FOSL2: variants seen among roughly 807,000 people sequenced by gnomAD.
The protein encoded by FOSL2 is fos-related antigen 2.
In FOSL2, 3 loss-of-function variants were observed where a neutral mutation model predicts 27.7. The ratio of observed to expected loss-of-function variants is 0.11; its 90% confidence interval spans 0.05 to 0.28. The LOEUF is 0.28. Ranked by LOEUF, FOSL2 falls within the 10% of genes least tolerant of loss-of-function variation. The pLI is 1.00. For missense variants in FOSL2, 333 were observed against 445.1 expected, an observed-to-expected ratio of 0.75 and a Z score of 2.27; for synonymous variants, 179 against 190.1, an observed-to-expected ratio of 0.94 and a Z score of 0.48.
Position 28,412,426 on chromosome 2 carries a change from C to G in FOSL2, c.959C>G (p.Ser320Cys). 1 of 1,600,912 alleles carries G rather than the reference C, an allele frequency of 6.2e-7. No homozygotes were observed. Among genetic ancestry groups the G allele is most frequent in the Non-Finnish European group, 8.5e-7 (1 of 1,179,758 alleles). The change falls in exon 4 of 4, where the codon TCC becomes TGC. Residue 320 changes from serine to cysteine, a missense_variant. Physicochemically the swap from Ser to Cys is moderately radical, Grantham distance 112. Around this residue, in one of 4 missense-constraint regions of FOSL2, gnomAD observed 26 missense variants for 59.3 expected, o/e 0.44. Transcript: ENST00000264716. The surrounding 1 kb of genome is among the most constrained non-coding windows in gnomAD (Gnocchi z 7.1). ...GACCAATCATCAGACTCCTTGAACTCCCCCACTCTGCTGGCTCTGTAACCC... is the reference window on the plus strand; with the variant it reads ...GACCAATCATCAGACTCCTTGAACTGCCCCACTCTGCTGGCTCTGTAACCC... ...SGDQSSDSLN[S>C]PTLLAL
chr2:28,402,245 A>AC (rs1663988123), intron 1 of FOSL2, among the ~76,000 whole-genome samples: 1 of 152,076 alleles, frequency 6.6e-6, no homozygotes. Flanking sequence ...CTCCTCCCAA[A>AC]CCCCAGAATC....
chr2:28,394,999 G>A (rs913078091), intron 1 of FOSL2, among the ~76,000 whole-genome samples: 1 of 152,152 alleles, frequency 6.6e-6, no homozygotes, highest in African/African-American at 2.4e-5. Flanking sequence ...GATCTGATGG[G>A]GGGGTCCCTT....
In FOSL2 at chr2:28,404,259, G is replaced by T. The variant is rs1392805169; in HGVS notation, c.255G>T (p.Leu85=). 1.2e-6 allele frequency: 2 copies of T among 1,614,004 alleles called. No individual in the cohort carries two copies. The highest frequency in any genetic ancestry group is 1.3e-5 in the African/African-American group (1 of 74,900). The change falls in exon 2 of 4, where the codon CTG becomes CTT. Residue 85 remains leucine, a synonymous_variant. Coordinates refer to ENST00000264716, the MANE Select transcript of FOSL2 (RefSeq NM_005253.4). The surrounding 1 kb of genome is among the most constrained non-coding windows in gnomAD (Gnocchi z 4.7). ...PYPRSHPYSP[L]PGLASVPGHM... ...CTCGCTCGCACCCCTACAGCCCCCT[G>T]CCGGGCCTGGCCTCTGTCCCTGGAC...
At position 28,404,042 on chromosome 2, in the gene FOSL2, A is replaced by AT; in HGVS notation, c.103-63dup. ...GTTTTTGCCTCAGCTCTGTTCAATT[A>AT]TTATTAACTATCCTGTTCAGCTTAG... On this transcript the variant is annotated intron_variant, in intron 1 of 3. Transcript: ENST00000264716. This position sits in a 1 kb window ranked among gnomAD's most constrained non-coding sequence, Gnocchi z 4.7. 1.3e-6 allele frequency: 2 copies of AT among 1,581,018 alleles called. No individual in the cohort carries two copies. Among genetic ancestry groups the AT allele is most frequent in the South Asian group, 2.3e-5 (2 of 87,008 alleles).
Position 28,415,385 on chromosome 2 carries a change from T to A in FOSL2, c.*2937T>A, listed in dbSNP as rs1421676134. ...GCTGGAGCCGGCTCCAAGCAGATAA[T>A]TCACTGGGGAGGTTTTCAGAGTCAA... On this transcript the variant is annotated 3_prime_UTR_variant, in exon 4 of 4. Coordinates refer to ENST00000264716, the MANE Select transcript of FOSL2 (RefSeq NM_005253.4). 2 of 152,174 alleles carry A rather than the reference T, an allele frequency of 1.3e-5. No homozygotes were observed. The highest frequency in any genetic ancestry group is 3.9e-4 in the East Asian group (2 of 5,170). The allele number at this position is 152,174 out of a possible 1,614,324, so 9.4% of individuals were successfully genotyped here.
intron 1 of FOSL2, among the ~76,000 whole-genome samples, chr2:28,401,733 C>T (rs1461846338): frequency 1.3e-5 from 2 of 152,224 alleles, no homozygotes; most frequent in Non-Finnish European, 2.9e-5. Context: ...TTCCTGTTCA[C>T]TGCACTCTTC....
chr2:28,412,255 C>T lies in FOSL2; in HGVS notation c.788C>T (p.Thr263Ile). 1 of 1,613,970 alleles carries T rather than the reference C, an allele frequency of 6.2e-7. No homozygotes were observed. Among genetic ancestry groups the T allele is most frequent in the South Asian group, 1.1e-5 (1 of 91,090 alleles). ...GGFYGEEPLH[T>I]PIVVTSTPAV... ...TTCTACGGTGAGGAGCCCCTGCACA[C>T]CCCCATCGTGGTGACCTCCACACCT... The change falls in exon 4 of 4, where the codon ACC (threonine) becomes ATC (isoleucine). Residue 263 changes from threonine to isoleucine, a missense_variant. Coordinates refer to ENST00000264716, the MANE Select transcript of FOSL2 (RefSeq NM_005253.4). This position sits in a 1 kb window ranked among gnomAD's most constrained non-coding sequence, Gnocchi z 7.1.
chr2:28,401,170 G>A (rs1237081792), intron 1 of FOSL2, among the ~76,000 whole-genome samples: 1 of 151,658 alleles, frequency 6.6e-6, no homozygotes, highest in Non-Finnish European at 1.5e-5. Context: ...GGTGGTGATG[G>A]TGACCTTCCA....
chr2:28,407,515 C>T (rs1664107832), intron 2 of FOSL2, among the ~76,000 whole-genome samples: 1 of 152,226 alleles, frequency 6.6e-6, no homozygotes, highest in African/African-American at 2.4e-5. Flanking sequence ...CCAACCAGGA[C>T]AGTGGCTCTT....
rs139808662 is a variant in FOSL2 at position 28,408,792 on chromosome 2, C to A, written c.388C>A (p.Arg130=). The change falls in exon 3 of 4, where the codon CGG becomes AGG. Residue 130 remains arginine (R), a synonymous_variant. Transcript: ENST00000264716. This position sits in a 1 kb window ranked among gnomAD's most constrained non-coding sequence, Gnocchi z 4.1. ...SPEEEEKRRI[R]RERNKLAAAK... ...TGAAGAGGAGGAGAAGCGTCGCATC[C>A]GGCGGGAGAGGAACAAGCTGGCTGC... 4.3e-6 allele frequency: 7 copies of A among 1,611,692 alleles called. No homozygotes were observed. The highest frequency in any genetic ancestry group is 5.9e-6 in the Non-Finnish European group (7 of 1,179,106).
At chr2:28,399,839 C>T (rs1472506258) in intron 1 of FOSL2, among the ~76,000 whole-genome samples, 1 of 152,146 alleles carries the variant, frequency 6.6e-6, no homozygotes, top group Non-Finnish European at 1.5e-5. Context: ...CACAGTCCTG[C>T]CTATTTGTTT....
In FOSL2 at chr2:28,413,631, ACCC is replaced by A; in HGVS notation, c.*1184_*1186del. 2.5e-6 allele frequency: 1 copy of A among 398,846 alleles called. No homozygotes were observed. The highest frequency in any genetic ancestry group is 4.4e-6 in the Non-Finnish European group (1 of 226,286). The allele number at this position is 398,846 out of a possible 1,614,324, so 24.7% of individuals were successfully genotyped here. A position where few individuals can be genotyped will look rare whatever the true frequency, so the allele number is the denominator to read the frequency against. On this transcript the variant is annotated 3_prime_UTR_variant, in exon 4 of 4. Transcript: ENST00000264716. The stretch of plus-strand genomic sequence containing the variant: ...CGTCTGCAGCAGCTGCTGCCCCAGC[ACCC>A]GCTCAGCCTGTCCTGGCTGCTCACC...
chr2:28,401,753 T>C (rs1010044419), intron 1 of FOSL2, among the ~76,000 whole-genome samples: 1 of 152,220 alleles, frequency 6.6e-6, no homozygotes, highest in African/African-American at 2.4e-5. Flanking sequence ...CCCTCCTTCA[T>C]ATGCACACAC....
Position 28,415,839 on chromosome 2 carries a change from A to G in FOSL2, c.*3391A>G, listed in dbSNP as rs766924669. The G allele has an allele frequency of 3.9e-5, 6 of 152,128 alleles. No homozygotes were observed. The highest frequency in any genetic ancestry group is 8.8e-5 in the Non-Finnish European group (6 of 68,034). 9.4% of individuals were successfully genotyped at this position (152,128 alleles called of 1,614,324 possible). A position where few individuals can be genotyped will look rare whatever the true frequency, so the allele number is the denominator to read the frequency against. ...AGAGGTGAGAAGGTCTGTCTTCAAGATCCAAGGTAAGATTGCCTTCAGTCT... is the reference window on the plus strand; with the variant it reads ...AGAGGTGAGAAGGTCTGTCTTCAAGGTCCAAGGTAAGATTGCCTTCAGTCT... On this transcript the variant is annotated 3_prime_UTR_variant, in exon 4 of 4. Transcript: ENST00000264716.
At chr2:28,402,646 T>C (rs565344817) in intron 1 of FOSL2, among the ~76,000 whole-genome samples, 2 of 152,276 alleles carry the variant, frequency 1.3e-5, no homozygotes, top group East Asian at 3.9e-4. Context: ...GTACCTTCTT[T>C]GTGAGAGGGG....
At chr2:28,411,397 ACC>A (rs1664195641) in intron 3 of FOSL2, among the ~76,000 whole-genome samples, 1 of 151,524 alleles carries the variant, frequency 6.6e-6, no homozygotes, top group African/African-American at 2.4e-5. Context: ...TGTGTTCCGT[ACC>A]CCCTTCTCCA....
In FOSL2 at chr2:28,393,927, C is replaced by T. The variant is rs1663742834; in HGVS notation, c.102+105C>T. 1.3e-6 allele frequency: 1 copy of T among 799,314 alleles called. No homozygotes were observed. Among genetic ancestry groups the T allele is most frequent in the African/African-American group, 1.8e-5 (1 of 55,602 alleles). 49.5% of individuals were successfully genotyped at this position (799,314 alleles called of 1,614,324 possible). On this transcript the variant is annotated intron_variant, in intron 1 of 3. Transcript: ENST00000264716. The surrounding 1 kb of genome is among the most constrained non-coding windows in gnomAD (Gnocchi z 4.6). ...TTTTCTTTTTCTTGGCGAGAAAATACCTACGGGCCACCGTTGTAAGTTCTG... is the reference window on the plus strand; with the variant it reads ...TTTTCTTTTTCTTGGCGAGAAAATATCTACGGGCCACCGTTGTAAGTTCTG...
At chr2:28,411,801 C>T (rs941783639) in intron 3 of FOSL2, 129 bp from the exon 4 acceptor site, 23 of 902,622 alleles carry the variant, frequency 2.5e-5, no homozygotes, top group Admixed American at 1.3e-4. Context: ...CTCAGACCAG[C>T]GGGGTCTGTG....
chr2:28,407,366 G>C (rs1225601570), intron 2 of FOSL2, among the ~76,000 whole-genome samples: 1 of 152,202 alleles, frequency 6.6e-6, no homozygotes, highest in Non-Finnish European at 1.5e-5. Flanking sequence ...CCTCAGCCGG[G>C]CTGTGGACTT....
Sources: allele counts gnomAD v4.1 joint callset (sites outside exome capture counted in the v4.1 genomes callset), GRCh38; gene constraint gnomAD v4.1.1; regional missense constraint gnomAD v4.1.1; non-coding constraint Gnocchi (gnomAD v3.1); transcripts MANE v1.5; gene names NCBI Gene and HGNC (gene_info 2026-07-23, HGNC 2026-07-21).